SGMS1: variants seen among roughly 807,000 people sequenced by gnomAD.
SGMS1 encodes sphingomyelin synthase 1.
Under a neutral mutation model 46.2 loss-of-function variants are expected in SGMS1, and 13 were observed. The ratio of observed to expected loss-of-function variants is 0.28; its 90% CI spans 0.18 to 0.45. The LOEUF (loss-of-function observed/expected upper bound fraction) is 0.45, where lower values mean the gene tolerates loss of function less well. Ranked by LOEUF, SGMS1 falls within the 20% of genes least tolerant of loss-of-function variation. SGMS1 has a pLI of 1.00. For synonymous variants in SGMS1, 203 were observed against 187.8 expected, an observed-to-expected ratio of 1.08 and a Z score of -0.66; for missense variants, 324 against 519.9, an observed-to-expected ratio of 0.62 and a Z score of 3.66.
At chr10:50,439,358 A>G (rs1849513668) in intron 5 of SGMS1, among the ~76,000 whole-genome samples, 1 of 152,172 alleles carries the variant, frequency 6.6e-6, no homozygotes, top group Non-Finnish European at 1.5e-5. Flanking sequence ...TGGTAGGGAA[A>G]TCCTACCATC....
chr10:50,623,452 C>A (rs2131953701), intron 1 of SGMS1: 3 of 429,870 alleles, frequency 7.0e-6, no homozygotes, highest in Middle Eastern at 1.2e-3. Flanking sequence ...GCCGGGGAGC[C>A]CCGCCGGCGG....
At chr10:50,380,405 C>T (rs1399948692) in intron 6 of SGMS1, among the ~76,000 whole-genome samples, 1 of 151,706 alleles carries the variant, frequency 6.6e-6, no homozygotes, top group Admixed American at 6.6e-5. Flanking sequence ...ATTCCTCTCT[C>T]CTTTCTAATG....
intron 1 of SGMS1, among the ~76,000 whole-genome samples, chr10:50,603,535 A>G (rs1216636081): frequency 1.3e-5 from 2 of 152,058 alleles, no homozygotes; most frequent in Non-Finnish European, 2.9e-5. Flanking sequence ...AATTTAAAAA[A>G]CACACACACA....
intron 6 of SGMS1, among the ~76,000 whole-genome samples, chr10:50,399,485 A>T (rs1490707305): frequency 1.3e-5 from 2 of 152,218 alleles, no homozygotes; most frequent in African/African-American, 2.4e-5. Context: ...CCATATAAGC[A>T]GTCAGTTTAA....
chr10:50,395,828 G>T (rs935124918), intron 6 of SGMS1, among the ~76,000 whole-genome samples: 2 of 152,200 alleles, frequency 1.3e-5, no homozygotes, highest in African/African-American at 2.4e-5. Flanking sequence ...AGGATTATGG[G>T]TGGGGCTTGT....
In SGMS1 at chr10:50,338,450, G is replaced by A. The variant is rs1308465074; in HGVS notation, c.623+5042C>T. On this transcript the variant is annotated intron_variant, in intron 7 of 10. Transcript: ENST00000361781. ...ATATATACCTGACTTCATTTCGCTC[G>A]GAAATAAAATATATTCAAACAAAGT... 7.9e-5 allele frequency among the ~76,000 whole-genome samples: 12 copies of A among 151,966 alleles called. No homozygotes were observed. The South Asian group carries it at 2.1e-3, about 26-fold the overall frequency.
intron 3 of SGMS1, among the ~76,000 whole-genome samples, chr10:50,517,010 C>T (rs1472305496): frequency 6.6e-6 from 1 of 152,080 alleles, no homozygotes; most frequent in Non-Finnish European, 1.5e-5. Flanking sequence ...ACTAGACATC[C>T]AAGTTTCAGC....
At chr10:50,593,055 C>T (rs1838557588) in intron 1 of SGMS1, among the ~76,000 whole-genome samples, 1 of 151,396 alleles carries the variant, frequency 6.6e-6, no homozygotes, top group African/African-American at 2.4e-5. Flanking sequence ...AAGACTCCAC[C>T]TTCCATCTCT....
chr10:50,443,193 A>G (rs1588828237), intron 5 of SGMS1, among the ~76,000 whole-genome samples: 1 of 152,318 alleles, frequency 6.6e-6, no homozygotes, highest in South Asian at 2.1e-4. Flanking sequence ...CAACAACCCT[A>G]ATGTAGATAA....
chr10:50,326,301 A>C (rs1486275200), intron 8 of SGMS1, among the ~76,000 whole-genome samples: 1 of 152,220 alleles, frequency 6.6e-6, no homozygotes, highest in Non-Finnish European at 1.5e-5. Context: ...CATATGATCA[A>C]ATTAAAAATC....
intron 3 of SGMS1, among the ~76,000 whole-genome samples, chr10:50,515,261 T>C (rs1181930058): frequency 6.6e-6 from 1 of 152,198 alleles, no homozygotes; most frequent in Admixed American, 6.5e-5. Flanking sequence ...TGGTCACTTG[T>C]CTTGACAATG....
chr10:50,596,822 A>G (rs1400621380), intron 1 of SGMS1, among the ~76,000 whole-genome samples: 1 of 152,194 alleles, frequency 6.6e-6, no homozygotes, highest in Non-Finnish European at 1.5e-5. Context: ...GAGAGAACAT[A>G]TCATAATACA....
rs1367796839 is a variant in SGMS1 at position 50,623,845 on chromosome 10, AGT to A, written c.-824_-823del. 7.1e-6 allele frequency: 7 copies of A among 985,362 alleles called. No homozygotes were observed. Among genetic ancestry groups the A allele is most frequent in the Non-Finnish European group, 8.4e-6 (7 of 829,976 alleles). The allele number at this position is 985,362 out of a possible 1,614,324, so 61.0% of individuals were successfully genotyped here. A position where few individuals can be genotyped will look rare whatever the true frequency, so the allele number is the denominator to read the frequency against. Reference sequence around the variant, plus strand: ...GGCTCCCTAGGCGCGAGGGGAGAGCAGTCAGCCCAGGCCGGTCCTTCTCACTC... The same window carrying A: ...GGCTCCCTAGGCGCGAGGGGAGAGCACAGCCCAGGCCGGTCCTTCTCACTC... On this transcript the variant is annotated 5_prime_UTR_variant, in exon 1 of 11. Coordinates refer to ENST00000361781, the MANE Select transcript of SGMS1 (RefSeq NM_147156.4).
chr10:50,527,049 G>T (rs1837908196), intron 2 of SGMS1, among the ~76,000 whole-genome samples: 1 of 126,284 alleles, frequency 7.9e-6, no homozygotes, highest in Non-Finnish European at 1.6e-5. Context: ...GGGTGACAGA[G>T]TGAGACTCTG....
chr10:50,325,024 A>G (rs1206253508), intron 8 of SGMS1, among the ~76,000 whole-genome samples: 2 of 152,256 alleles, frequency 1.3e-5, no homozygotes, highest in African/African-American at 4.8e-5. Context: ...GTAATTGCTG[A>G]TATCACAGAA....
At chr10:50,484,589 A>C (rs1222286888) in intron 3 of SGMS1, among the ~76,000 whole-genome samples, 1 of 152,184 alleles carries the variant, frequency 6.6e-6, no homozygotes, top group Non-Finnish European at 1.5e-5. Context: ...CAGAGAAAAT[A>C]CAAAAAAAGA....
rs566876582 is a variant in SGMS1, at chr10:50,462,356, G to A, written c.-454-1542C>T. Among the ~76,000 whole-genome samples, 7 of 152,200 alleles carry A rather than the reference G, an allele frequency of 4.6e-5. No homozygotes were observed. The East Asian group carries it at 1.3e-3, about 29-fold the overall frequency. On this transcript the variant is annotated intron_variant, in intron 4 of 10. Transcript: ENST00000361781. The stretch of plus-strand genomic sequence containing the variant: ...TATGGTTTATAAACCCAAAGATAAA[G>A]TCAAAAGCTTAAAAAAGATTATACC...
chr10:50,395,260 G>A (rs1454995203), intron 6 of SGMS1, among the ~76,000 whole-genome samples: 2 of 152,098 alleles, frequency 1.3e-5, no homozygotes, highest in Non-Finnish European at 2.9e-5. Flanking sequence ...CAAATCACAC[G>A]AGTTGTTGGG....
intron 4 of SGMS1, among the ~76,000 whole-genome samples, chr10:50,463,144 A>C (rs1449569597): frequency 6.6e-6 from 1 of 152,184 alleles, no homozygotes; most frequent in African/African-American, 2.4e-5. Context: ...TTTGGATATT[A>C]CATCAAAAAC....
Sources: gnomAD v4.1 joint callset for allele counts (sites outside exome capture counted in the v4.1 genomes callset) on GRCh38, gnomAD v4.1.1 for gene constraint, MANE v1.5 for transcripts, NCBI Gene and HGNC (gene_info 2026-07-23, HGNC 2026-07-21) for gene names.